EIF2B3: variants seen among roughly 807,000 people sequenced by gnomAD.
The protein encoded by EIF2B3 is eukaryotic translation initiation factor 2B subunit gamma.
Under a neutral mutation model 54.1 loss-of-function variants are expected in EIF2B3, and 20 were observed. The ratio of observed to expected loss-of-function variants is 0.37; its 90% CI spans 0.26 to 0.54. The LOEUF (loss-of-function observed/expected upper bound fraction) is 0.54, where lower values mean the gene tolerates loss of function less well. Among genes scored for constraint, EIF2B3 ranks in the 20% least tolerant of loss-of-function variants. EIF2B3 has a pLI of 0.86. For missense variants in EIF2B3, 448 were observed against 547.8 expected (o/e 0.82, Z 1.82); for synonymous variants, 153 against 188.1 (o/e 0.81, Z 1.52).
chr1:44,915,657 C>T (rs181867147), intron 5 of EIF2B3, among the ~76,000 whole-genome samples: 1 of 152,216 alleles, frequency 6.6e-6, no homozygotes, highest in African/African-American at 2.4e-5. Context: ...AGCCACTGTG[C>T]CTGGCTTTAA....
intron 4 of EIF2B3, among the ~76,000 whole-genome samples, chr1:44,928,118 C>G (rs1346536538): frequency 6.6e-6 from 1 of 152,084 alleles, no homozygotes; most frequent in Non-Finnish European, 1.5e-5. Flanking sequence ...CTGTACTGCA[C>G]TCCAGCTCGG....
Position 44,881,428 on chromosome 1 carries a change from G to C in EIF2B3, c.784+184C>G, listed in dbSNP as rs1655398210. On this transcript the variant is annotated intron_variant, in intron 7 of 11. Coordinates refer to ENST00000360403, the MANE Select transcript of EIF2B3 (RefSeq NM_020365.5). This position sits in a 1 kb window ranked among gnomAD's most constrained non-coding sequence, Gnocchi z 4.0. ...ATTAGCCTGTTGCCGAGAGCACAGT[G>C]GCAGAATCTGCCTGAGCAAGCTTAC... Among the ~76,000 whole-genome samples, 1 of 152,186 alleles carries C rather than the reference G, an allele frequency of 6.6e-6. No individual in the cohort carries two copies. Among genetic ancestry groups the C allele is most frequent in the Admixed American group, 6.5e-5 (1 of 15,286 alleles).
intron 5 of EIF2B3, among the ~76,000 whole-genome samples, chr1:44,922,591 C>CAAA (rs58626731): frequency 0.018 from 1,550 of 87,480 alleles, 58 homozygotes; most frequent in African/African-American, 0.054. Flanking sequence ...TGTCTCAAGA[C>CAAA]AAAAAAAAAA....
At chr1:44,942,882 G>A (rs1040623429) in intron 3 of EIF2B3, among the ~76,000 whole-genome samples, 2 of 151,716 alleles carry the variant, frequency 1.3e-5, no homozygotes, top group African/African-American at 4.8e-5. Context: ...TTGAGACAGA[G>A]TCTCCCTCTG....
At chr1:44,884,517 T>A (rs541844860) in intron 6 of EIF2B3, among the ~76,000 whole-genome samples, 1 of 152,334 alleles carries the variant, frequency 6.6e-6, no homozygotes, top group East Asian at 1.9e-4. Context: ...AAGAATCAAT[T>A]TTGAAAAATT....
intron 6 of EIF2B3, among the ~76,000 whole-genome samples, chr1:44,888,498 T>C (rs565584354): frequency 6.7e-6 from 1 of 150,014 alleles, no homozygotes; most frequent in South Asian, 2.1e-4. Context: ...TCTCTCTCTC[T>C]CTCTGTGCAA....
At chr1:44,873,934 G>A (rs1655041499) in intron 10 of EIF2B3, among the ~76,000 whole-genome samples, 1 of 152,020 alleles carries the variant, frequency 6.6e-6, no homozygotes, top group Non-Finnish European at 1.5e-5. Context: ...ACAGGCATGA[G>A]CCACTGTGCC....
intron 8 of EIF2B3, among the ~76,000 whole-genome samples, chr1:44,877,453 C>T (rs890511007): frequency 2.6e-5 from 4 of 152,034 alleles, no homozygotes; most frequent in Non-Finnish European, 5.9e-5. Flanking sequence ...TTTGAGATAC[C>T]CACATACCAC....
intron 8 of EIF2B3, among the ~76,000 whole-genome samples, chr1:44,876,113 T>G (rs1191925491): frequency 6.6e-6 from 1 of 152,186 alleles, no homozygotes; most frequent in Non-Finnish European, 1.5e-5. Flanking sequence ...TGGAGTGCAG[T>G]GGCGTGATCT....
chr1:44,984,895 T>C (rs1276574980), intron 1 of EIF2B3, among the ~76,000 whole-genome samples: 4 of 139,942 alleles, frequency 2.9e-5, no homozygotes, highest in East Asian at 4.7e-4. Context: ...CAAGCTCCGC[T>C]TCCCGGGTTC....
At chr1:44,942,406 T>TACATATATATATACACATATATATATAC (rs1557696978) in intron 3 of EIF2B3, among the ~76,000 whole-genome samples, 1 of 22,900 alleles carries the variant, frequency 4.4e-5, no homozygotes, top group African/African-American at 2.6e-4. Context: ...TATATATATA[T>TACATATATATATACACATATATATATAC]ATATATATAT....
rs3738247 is a variant in EIF2B3, at chr1:44,879,929, G to C, written c.864C>G (p.Asp288Glu). The part of the protein sequence containing the change: ...YDACWNACRG[D>E]RWEDLSRSQV... Reference sequence around the variant, plus strand: ...GTGATCTGGACAAGTCTTCCCACCTGTCTCCTCGACAGGCATTCCAGCAGG... The same window carrying C: ...GTGATCTGGACAAGTCTTCCCACCTCTCTCCTCGACAGGCATTCCAGCAGG... The change falls in exon 8 of 12, where the codon GAC (aspartate) becomes GAG (glutamate). Residue 288 changes from aspartate to glutamate, a missense_variant. By Grantham distance (45) the Asp-to-Glu change is conservative (BLOSUM62 2). This residue lies in a region of EIF2B3 where 350 missense variants were observed against 414.2 expected (regional missense o/e 0.85). Transcript: ENST00000360403. 234 of 1,614,142 alleles carry C rather than the reference G, an allele frequency of 1.4e-4. 2 individuals carry two copies. In the East Asian group the frequency reaches 5.2e-3, roughly 36 times the overall value.
intron 10 of EIF2B3, 108 bp downstream of exon 10, chr1:44,874,570 A>T: frequency 8.2e-7 from 1 of 1,222,998 alleles, no homozygotes; most frequent in East Asian, 2.4e-5. Flanking sequence ...CCTCTTGATT[A>T]GCACTTTGCC....
chr1:44,958,881 C>G lies in EIF2B3; in HGVS notation c.295-17216G>C, dbSNP rs962792340. The G allele has an allele frequency of 3.5e-5, 30 of 846,468 alleles. No homozygotes were observed. In the African/African-American group the frequency reaches 4.5e-4, roughly 13 times the overall value. 52.4% of individuals were successfully genotyped at this position (846,468 alleles called of 1,614,324 possible). ...ACATCAGGAACATCTCTATCAAGAACACAATTTCATCAAGGCTGAGGGCCA... is the reference window on the plus strand; with the variant it reads ...ACATCAGGAACATCTCTATCAAGAAGACAATTTCATCAAGGCTGAGGGCCA... On this transcript the variant is annotated intron_variant, in intron 3 of 11. Transcript: ENST00000360403.
chr1:44,958,893 A>G, intron 3 of EIF2B3: 1 of 827,322 alleles, frequency 1.2e-6, no homozygotes, highest in Admixed American at 1.8e-5. Context: ...CAATTTCATC[A>G]AGGCTGAGGG....
At chr1:44,926,596 G>T (rs2148932301) in intron 5 of EIF2B3, 32 bp downstream of exon 5, 3 of 1,565,542 alleles carry the variant, frequency 1.9e-6, no homozygotes, top group South Asian at 1.1e-5. Context: ...AAGACAAGGA[G>T]AATTGCCAGA....
intron 8 of EIF2B3, among the ~76,000 whole-genome samples, chr1:44,876,888 G>C (rs1454466975): frequency 7.3e-6 from 1 of 136,546 alleles, no homozygotes; most frequent in African/African-American, 3.0e-5. Context: ...GTTGATCTGC[G>C]ACCTTACCCC....
At chr1:44,933,995 G>C (rs970318641) in intron 4 of EIF2B3, among the ~76,000 whole-genome samples, 4 of 152,088 alleles carry the variant, frequency 2.6e-5, no homozygotes, top group African/African-American at 9.7e-5. Context: ...GGTGGCACAT[G>C]CCTGTAATCC....
At chr1:44,928,087 G>T (rs1271675103) in intron 4 of EIF2B3, among the ~76,000 whole-genome samples, 2 of 152,138 alleles carry the variant, frequency 1.3e-5, no homozygotes, top group Admixed American at 1.3e-4. Context: ...GGGAGGCTAA[G>T]GCTGCAGTGA....
Sources: gnomAD v4.1 joint callset for allele counts (sites outside exome capture counted in the v4.1 genomes callset) on GRCh38, gnomAD v4.1.1 for gene constraint, gnomAD v4.1.1 regional missense constraint, Gnocchi (gnomAD v3.1) non-coding constraint, MANE v1.5 for transcripts, NCBI Gene and HGNC (gene_info 2026-07-23, HGNC 2026-07-21) for gene names.